Variants in MOGAT2 observed in about 807,000 individuals in gnomAD.
The protein encoded by MOGAT2 is monoacylglycerol O-acyltransferase 2.
In MOGAT2, 27 loss-of-function variants were observed where a neutral mutation model predicts 31.5. The ratio of observed to expected loss-of-function variants is 0.86; its 90% CI spans 0.63 to 1.18. MOGAT2 has a LOEUF of 1.18. MOGAT2 is among the 50% of genes most tolerant of loss of function. MOGAT2 has a pLI of 0.00. For missense variants in MOGAT2, 436 were observed against 433.2 expected (o/e 1.01, Z -0.06); for synonymous variants, 163 against 170.0 (o/e 0.96, Z 0.32).
intron 2 of MOGAT2, among the ~76,000 whole-genome samples, chr11:75,725,652 C>T (rs1944416409): frequency 6.6e-6 from 1 of 152,226 alleles, no homozygotes. Context: ...CAGACAGGCT[C>T]CAGGCCTTAC....
Position 75,732,520 on chromosome 11 carries a change from T to G in MOGAT2, c.*1234T>G, listed in dbSNP as rs1402802278. 6.6e-6 allele frequency: 1 copy of G among 152,358 alleles called. No individual in the cohort carries two copies. The highest frequency in any genetic ancestry group is 1.5e-5 in the Non-Finnish European group (1 of 68,162). 9.4% of individuals were successfully genotyped at this position (152,358 alleles called of 1,614,324 possible). On this transcript the variant is annotated 3_prime_UTR_variant, in exon 6 of 6. Transcript: ENST00000198801. ...CTTCTCAGCCTGCCGTTTGCCACTCTCCAGCATCTGGCCCAGCCTGTCCAT... is the reference window on the plus strand; with the variant it reads ...CTTCTCAGCCTGCCGTTTGCCACTCGCCAGCATCTGGCCCAGCCTGTCCAT...
At chr11:75,719,873 C>T (rs754109490) in intron 1 of MOGAT2, 119 bp from the exon 2 acceptor site, 23 of 998,982 alleles carry the variant, frequency 2.3e-5, no homozygotes, top group Middle Eastern at 2.4e-4. Flanking sequence ...CTCCTGGGCC[C>T]GAGGATTGGA....
intron 3 of MOGAT2, 88 bp downstream of exon 3, chr11:75,727,727 T>C: frequency 1.5e-6 from 2 of 1,353,826 alleles, no homozygotes; most frequent in Middle Eastern, 1.9e-4. Context: ...CAAGAGCGTG[T>C]GCAGTAGGAG....
At chr11:75,722,638 C>G (rs1021111287) in intron 2 of MOGAT2, among the ~76,000 whole-genome samples, 1 of 152,208 alleles carries the variant, frequency 6.6e-6, no homozygotes, top group Non-Finnish European at 1.5e-5. Flanking sequence ...GCCCTCAGGT[C>G]AGAGGGTGGA....
chr11:75,718,093 C>A (rs1191913967), intron 1 of MOGAT2, 114 bp downstream of exon 1: 2 of 1,072,620 alleles, frequency 1.9e-6, no homozygotes, highest in Non-Finnish European at 2.8e-6. Context: ...CTAAAGGGGG[C>A]TTTGTTGCGC....
chr11:75,719,122 G>A (rs1376544851), intron 1 of MOGAT2, among the ~76,000 whole-genome samples: 1 of 152,162 alleles, frequency 6.6e-6, no homozygotes, highest in Non-Finnish European at 1.5e-5. Context: ...TGTTCTAAGG[G>A]TTTTTAGACA....
rs200729575 is a variant in MOGAT2, at chr11:75,728,794, C to A, written c.655C>A (p.Pro219Thr). The change falls in exon 5 of 6, where the codon CCC becomes ACC. Residue 219 changes from proline (P) to threonine (T), a missense_variant. Coordinates refer to ENST00000198801, the MANE Select transcript of MOGAT2 (RefSeq NM_025098.4). ...CTTTCCTCTATTTGTCTCCAGGGCA[C>A]CCCTGGTGCCAATCTTCTCCTTCGG... Reference protein sequence around the residue: ...FVRLALTHGAPLVPIFSFGEN... With the variant: ...FVRLALTHGATLVPIFSFGEN... The A allele has an allele frequency of 8.7e-6, 14 of 1,614,004 alleles. No homozygotes were observed. The highest frequency in any genetic ancestry group is 5.3e-5 in the African/African-American group (4 of 75,062).
At position 75,717,971 on chromosome 11, in the gene MOGAT2, T is replaced by A. The variant is rs1447727736; in HGVS notation, c.83T>A (p.Leu28Ter). Residue 28 changes from leucine (L) to a stop codon, truncating the protein, a stop_gained, in exon 1 of 6, where the codon TTG (leucine) becomes TAG (stop). Coordinates refer to ENST00000198801, the MANE Select transcript of MOGAT2 (RefSeq NM_025098.4). LOFTEE classifies it high-confidence loss of function. ...GTCCTACAGTTTGTCTTCTCCTTCT[T>A]GGCACTGGGTAAGTTGGGCTGCACT... is the stretch of plus-strand genomic sequence containing the variant. ...LAVLQFVFSF[L>*]ALAEICTVGF... The A allele has an allele frequency of 6.2e-7, 1 of 1,614,064 alleles. No homozygotes were observed. The highest frequency in any genetic ancestry group is 1.3e-5 in the African/African-American group (1 of 74,950).
In MOGAT2 at chr11:75,731,321, C is replaced by T. The variant is rs375687019; in HGVS notation, c.*35C>T. The stretch of plus-strand genomic sequence containing the variant: ...GCAGGGCCAACATTAGGGAGCCCAG[C>T]AGGAGGTGCTGTGCTGAGAAGACTT... On this transcript the variant is annotated 3_prime_UTR_variant, in exon 6 of 6. Transcript: ENST00000198801. 1.2e-6 allele frequency: 2 copies of T among 1,607,844 alleles called. No individual in the cohort carries two copies. The highest frequency in any genetic ancestry group is 3.4e-5 in the Admixed American group (2 of 59,416).
rs747369483 is a variant in MOGAT2 at position 75,728,866 on chromosome 11, T to G, written c.727T>G (p.Leu243Val). Residue 243 changes from leucine to valine, a missense_variant, in exon 5 of 6, where the codon TTA (leucine) becomes GTA (valine). Physicochemically the swap from Leu to Val is conservative, Grantham distance 32. Coordinates refer to ENST00000198801, the MANE Select transcript of MOGAT2 (RefSeq NM_025098.4). The stretch of plus-strand genomic sequence containing the variant: ...GATTCCCAACTCTTCTGGCTCCTGG[T>G]TACGCTATATCCAGAATCGGTTGCA... ...DQIPNSSGSW[L>V]RYIQNRLQKI... 9 of 1,614,224 alleles carry G rather than the reference T, an allele frequency of 5.6e-6. No individual in the cohort carries two copies. In the South Asian group the frequency reaches 8.8e-5, roughly 16 times the overall value.
intron 2 of MOGAT2, among the ~76,000 whole-genome samples, chr11:75,721,118 G>A (rs1482422553): frequency 6.6e-6 from 1 of 152,006 alleles, no homozygotes; most frequent in East Asian, 1.9e-4. Flanking sequence ...GAGACAGGCA[G>A]ACTAGATTCT....
intron 2 of MOGAT2, among the ~76,000 whole-genome samples, chr11:75,721,819 A>G (rs2510633): frequency 0.94 from 142,957 of 152,194 alleles, 67,624 homozygotes; most frequent in Non-Finnish European, 0.99. Context: ...GAGGAAACAA[A>G]CCCACCAAAG....
intron 2 of MOGAT2, among the ~76,000 whole-genome samples, chr11:75,724,340 G>A (rs1944401133): frequency 6.6e-6 from 1 of 152,220 alleles, no homozygotes; most frequent in African/African-American, 2.4e-5. Context: ...CAGGGATGTT[G>A]TGATAGATTT....
chr11:75,728,094 G>C lies in MOGAT2; in HGVS notation c.600G>C (p.Thr200=). The change falls in exon 4 of 6, where the codon ACG becomes ACC. Residue 200 remains threonine, a synonymous_variant. Coordinates refer to ENST00000198801, the MANE Select transcript of MOGAT2 (RefSeq NM_025098.4). Reference sequence around the variant, plus strand: ...TGGATGCCAGGCCTGGATCCTTCACGCTGTTACTGCGGAACCGAAAGGGCT... The same window carrying C: ...TGGATGCCAGGCCTGGATCCTTCACCCTGTTACTGCGGAACCGAAAGGGCT... ...EALDARPGSF[T]LLLRNRKGFV... 1 of 1,614,140 alleles carries C rather than the reference G, an allele frequency of 6.2e-7. No homozygotes were observed. The highest frequency in any genetic ancestry group is 8.5e-7 in the Non-Finnish European group (1 of 1,180,012).
rs945063834 is a variant in MOGAT2, at chr11:75,731,479, A to G, written c.*193A>G. 22 of 554,326 alleles carry G rather than the reference A, an allele frequency of 4.0e-5. No individual in the cohort carries two copies. Among genetic ancestry groups the G allele is most frequent in the Non-Finnish European group, 5.2e-5 (18 of 346,990 alleles). The allele number at this position is 554,326 out of a possible 1,614,324, so 34.3% of individuals were successfully genotyped here. A position where few individuals can be genotyped will look rare whatever the true frequency, so the allele number is the denominator to read the frequency against. ...CCAAGGGGTCAGCTGGGGCTAGGAC[A>G]GTGAGGGCTGCTAGAGGGGCTGGGC... On this transcript the variant is annotated 3_prime_UTR_variant, in exon 6 of 6. Transcript: ENST00000198801.
At chr11:75,730,183 G>T (rs1944462688) in intron 5 of MOGAT2, among the ~76,000 whole-genome samples, 1 of 152,156 alleles carries the variant, frequency 6.6e-6, no homozygotes, top group African/African-American at 2.4e-5. Context: ...TAATATTTCT[G>T]CTGCCTCCAG....
chr11:75,723,954 A>T (rs1050978637), intron 2 of MOGAT2, among the ~76,000 whole-genome samples: 1 of 152,040 alleles, frequency 6.6e-6, no homozygotes, highest in African/African-American at 2.4e-5. Flanking sequence ...AGACCACAGC[A>T]CTTCACAAAC....
Position 75,720,018 on chromosome 11 carries a change from GC to G in MOGAT2, c.121del (p.Leu41SerfsTer43), listed in dbSNP as rs1470034424. On this transcript the variant is annotated frameshift_variant, in exon 2 of 6. Transcript: ENST00000198801. LOFTEE classifies it high-confidence loss of function. ...LAEICTVGFI[A>X]LLFTRFWLLT... ...CGAGATCTGCACTGTGGGCTTCATA[GC>G]CCTCCTGTTTACAAGATTCTGGCTC... is the stretch of plus-strand genomic sequence containing the variant. 3 of 1,613,938 alleles carry G rather than the reference GC, an allele frequency of 1.9e-6. No homozygotes were observed. Among genetic ancestry groups the G allele is most frequent in the Non-Finnish European group, 2.5e-6 (3 of 1,180,024 alleles).
At chr11:75,718,113 C>T in intron 1 of MOGAT2, 134 bp downstream of exon 1, 1 of 922,998 alleles carries the variant, frequency 1.1e-6, no homozygotes, top group Non-Finnish European at 1.7e-6. Context: ...CTCAGAGCCC[C>T]TGCCCAGAGA....
Sources: allele counts gnomAD v4.1 joint callset (sites outside exome capture counted in the v4.1 genomes callset), GRCh38; gene constraint gnomAD v4.1.1; transcripts MANE v1.5; gene names NCBI Gene and HGNC (gene_info 2026-07-23, HGNC 2026-07-21).